Variants in TRAPPC13 observed in about 807,000 individuals in gnomAD.
TRAPPC13 encodes trafficking protein particle complex subunit 13.
In TRAPPC13, 39 loss-of-function variants were observed where a neutral mutation model predicts 54.0. That is an observed-to-expected ratio of 0.72 (90% CI 0.56 to 0.94). The LOEUF (loss-of-function observed/expected upper bound fraction) is 0.94, where lower values mean the gene tolerates loss of function less well. Ranked by LOEUF, TRAPPC13 falls within the 40% of genes least tolerant of loss-of-function variation. TRAPPC13 has a pLI of 0.00. For synonymous variants in TRAPPC13, 148 were observed against 167.7 expected (o/e 0.88, Z 0.91); for missense variants, 386 against 488.1 (o/e 0.79, Z 1.97).
chr5:65,655,692 TACTCACC>T, intron 8 of TRAPPC13, 39 bp downstream of exon 8: 1 of 810,550 alleles, frequency 1.2e-6, no homozygotes, highest in Non-Finnish European at 1.7e-6. Context: ...ATACTTTTCT[TACTCACC>T]ACTTTTTGAC....
chr5:65,643,837 G>GA (rs11407179), intron 4 of TRAPPC13, among the ~76,000 whole-genome samples: 79,664 of 132,854 alleles, frequency 0.6, 23,459 homozygotes, highest in South Asian at 0.65. Flanking sequence ...AAAAAAGAAA[G>GA]AAAAAAAAAA....
At chr5:65,652,619 A>G (rs780398588) in intron 7 of TRAPPC13, 74 bp downstream of exon 7, 2 of 1,073,114 alleles carry the variant, frequency 1.9e-6, no homozygotes, top group South Asian at 1.3e-5. Flanking sequence ...TCTTATATAC[A>G]TTTCTAATAC....
chr5:65,651,020 C>T, intron 6 of TRAPPC13, 138 bp downstream of exon 6: 1 of 640,808 alleles, frequency 1.6e-6, no homozygotes, highest in Non-Finnish European at 2.8e-6. Context: ...TGTCATATGA[C>T]TAGCAGTCTA....
intron 6 of TRAPPC13, among the ~76,000 whole-genome samples, chr5:65,651,647 G>GGT (rs1756442310): frequency 3.5e-5 from 1 of 28,962 alleles, no homozygotes; most frequent in Non-Finnish European, 1.1e-4. Context: ...ACATTTATGT[G>GGT]GGGGGGGTGG....
At chr5:65,639,363 A>AG (rs1314335620) in intron 4 of TRAPPC13, among the ~76,000 whole-genome samples, 2 of 151,210 alleles carry the variant, frequency 1.3e-5, no homozygotes, top group South Asian at 2.1e-4. Context: ...AAATTAATTA[A>AG]GAAAAAAAAA....
intron 6 of TRAPPC13, among the ~76,000 whole-genome samples, chr5:65,651,967 G>A (rs929240222): frequency 4.9e-5 from 7 of 142,184 alleles, no homozygotes; most frequent in African/African-American, 1.0e-4. Context: ...GGGTGCAAGC[G>A]ATTCTCCTGC....
In TRAPPC13 at chr5:65,625,069, G is replaced by A; in HGVS notation, c.9G>A (p.Val3=). The A allele has an allele frequency of 6.2e-7, 1 of 1,613,750 alleles. No homozygotes were observed. Among genetic ancestry groups the A allele is most frequent in the South Asian group, 1.1e-5 (1 of 91,070 alleles). Residue 3 remains valine (V), a synonymous_variant, in exon 1 of 13, where the codon GTG becomes GTA. Coordinates refer to ENST00000399438, the MANE Select transcript of TRAPPC13 (RefSeq NM_024941.4). ME[V]NPPKQEHLLA... ...CAAAAGTGCCGGTCAAAATGGAAGT[G>A]AATCCCCCTAAACAGGAGCACCTGC... is the stretch of plus-strand genomic sequence containing the variant.
chr5:65,661,041 G>A, intron 10 of TRAPPC13, 144 bp downstream of exon 10: 1 of 620,576 alleles, frequency 1.6e-6, no homozygotes, highest in Non-Finnish European at 2.7e-6. Flanking sequence ...GATTAATAGT[G>A]TCACTGATAG....
At chr5:65,625,514 T>C (rs1288559646) in intron 1 of TRAPPC13, 1 of 195,606 alleles carries the variant, frequency 5.1e-6, no homozygotes, top group Non-Finnish European at 1.0e-5. Flanking sequence ...TGCATGACAG[T>C]AGTGCAGAGA....
At chr5:65,630,891 ATTGT>A (rs1264258381) in intron 1 of TRAPPC13, 1 of 161,434 alleles carries the variant, frequency 6.2e-6, no homozygotes, top group Non-Finnish European at 1.3e-5. Context: ...ATGTTGAATG[ATTGT>A]TTATTTCTTC....
chr5:65,652,183 C>T (rs1024563162), intron 6 of TRAPPC13, among the ~76,000 whole-genome samples: 4 of 151,810 alleles, frequency 2.6e-5, no homozygotes, highest in Admixed American at 6.6e-5. Context: ...TTTTTGCAAA[C>T]AGTTTTTGTG....
intron 5 of TRAPPC13, 98 bp downstream of exon 5, chr5:65,647,280 CT>C: frequency 9.5e-7 from 1 of 1,055,138 alleles, no homozygotes. Flanking sequence ...GCATAGGAAC[CT>C]ACTTCAAAAG....
In TRAPPC13 at chr5:65,661,252, C is replaced by T. The variant is rs147493244; in HGVS notation, c.897+355C>T. 5.6e-3 allele frequency: 900 copies of T among 161,954 alleles called. 7 individuals are homozygous for T. The highest frequency in any genetic ancestry group is 0.021 in the African/African-American group (864 of 41,826). The allele number at this position is 161,954 out of a possible 1,614,324, so 10.0% of individuals were successfully genotyped here. ...CAATGTCCTGAAACTCTTGGACTTA[C>T]TTCATTCACCTACTCAGTTCCTACC... On this transcript the variant is annotated intron_variant, in intron 10 of 12. Coordinates refer to ENST00000399438, the MANE Select transcript of TRAPPC13 (RefSeq NM_024941.4).
intron 1 of TRAPPC13, among the ~76,000 whole-genome samples, chr5:65,627,131 CAAAAAAAAAAAA>C (rs60169195): frequency 2.5e-4 from 8 of 32,552 alleles, no homozygotes; most frequent in Admixed American, 4.2e-4. Flanking sequence ...GACCCTGTCT[CAAAAAAAAAAAA>C]AAAAAAAAAA....
At chr5:65,641,651 C>A (rs991399022) in intron 4 of TRAPPC13, among the ~76,000 whole-genome samples, 1 of 150,382 alleles carries the variant, frequency 6.6e-6, no homozygotes, top group Admixed American at 6.6e-5. Context: ...TTCGAGGCTG[C>A]AGTGAGCTAT....
Position 65,664,337 on chromosome 5 carries a change from T to C in TRAPPC13, c.1099T>C (p.Ser367Pro). ...GCTGGGAAAGCTGCATCCAAGTTCT[T>C]CGCTCTGTCTTGCCCTTACTCTGCT... is the stretch of plus-strand genomic sequence containing the variant. ...RQLGKLHPSS[S>P]LCLALTLLSS... The change falls in exon 12 of 13, where the codon TCG becomes CCG. Residue 367 changes from serine (S) to proline (P), a missense_variant. Coordinates refer to ENST00000399438, the MANE Select transcript of TRAPPC13 (RefSeq NM_024941.4). 6.2e-7 allele frequency: 1 copy of C among 1,613,994 alleles called. No individual in the cohort carries two copies. Among genetic ancestry groups the C allele is most frequent in the Non-Finnish European group, 8.5e-7 (1 of 1,179,870 alleles).
chr5:65,641,719 A>C (rs1334155188), intron 4 of TRAPPC13, among the ~76,000 whole-genome samples: 1 of 151,470 alleles, frequency 6.6e-6, no homozygotes, highest in Non-Finnish European at 1.5e-5. Flanking sequence ...TGAGAAAAAA[A>C]AAAAAACAAA....
At chr5:65,633,472 G>T (rs1755624475) in intron 1 of TRAPPC13, among the ~76,000 whole-genome samples, 1 of 152,010 alleles carries the variant, frequency 6.6e-6, no homozygotes. Context: ...AGTAGAGACG[G>T]AGTTTCACCG....
At chr5:65,639,850 GC>G (rs1755899001) in intron 4 of TRAPPC13, among the ~76,000 whole-genome samples, 1 of 152,178 alleles carries the variant, frequency 6.6e-6, no homozygotes, top group Admixed American at 6.5e-5. Context: ...AAGAAAAAGA[GC>G]AAAAAGAAGG....
Sources: gnomAD v4.1 joint callset for allele counts (sites outside exome capture counted in the v4.1 genomes callset) on GRCh38, gnomAD v4.1.1 for gene constraint, MANE v1.5 for transcripts, NCBI Gene and HGNC (gene_info 2026-07-23, HGNC 2026-07-21) for gene names.